FRYL: variants seen among roughly 807,000 people sequenced by gnomAD.
FRYL encodes FRY like transcription coactivator.
A neutral mutation model predicts 351.2 loss-of-function variants in FRYL; 150 were observed. That is an observed-to-expected ratio of 0.43 (90% CI 0.37 to 0.49). FRYL has a LOEUF of 0.49. Among genes scored for constraint, FRYL ranks in the 20% least tolerant of loss-of-function variants. The pLI, the probability that FRYL is intolerant of heterozygous loss-of-function variation, is 0.00. For missense variants in FRYL, 3,036 were observed against 3,619.3 expected, an observed-to-expected ratio of 0.84 and a Z score of 4.13; for synonymous variants, 1,153 against 1,257.1, an observed-to-expected ratio of 0.92 and a Z score of 1.75.
At chr4:48,610,724 TATTA>T (rs1032419245) in intron 7 of FRYL, among the ~76,000 whole-genome samples, 3 of 134,532 alleles carry the variant, frequency 2.2e-5, no homozygotes, top group Admixed American at 7.5e-5. Flanking sequence ...TATATACATA[TATTA>T]TATACATGTA....
chr4:48,612,825 G>A (rs374335804), intron 7 of FRYL, among the ~76,000 whole-genome samples: 3 of 151,142 alleles, frequency 2.0e-5, no homozygotes, highest in East Asian at 1.9e-4. Context: ...TCCTGACCTC[G>A]TGATCCACTT....
At chr4:48,628,562 T>C (rs1323699526) in intron 4 of FRYL, among the ~76,000 whole-genome samples, 1 of 151,580 alleles carries the variant, frequency 6.6e-6, no homozygotes, top group Non-Finnish European at 1.5e-5. Flanking sequence ...TGTTAAAGAA[T>C]ACAAAATTAC....
rs1560638233 is a variant in FRYL, at chr4:48,575,576, T to C, written c.2722-335A>G. Among the ~76,000 whole-genome samples, 8 of 152,348 alleles carry C rather than the reference T, an allele frequency of 5.3e-5. No homozygotes were observed. In the South Asian group the frequency reaches 1.7e-3, roughly 32 times the overall value. ...TGACTTCTAAAATAGTCATCAGTGC[T>C]AAAGTCAGACACGCTGGTCTTAAGT... On this transcript the variant is annotated intron_variant, in intron 24 of 63. Transcript: ENST00000358350.
chr4:48,603,317 T>C lies in FRYL; in HGVS notation c.906A>G (p.Glu302=), dbSNP rs1431648687. ...FVEMLYQTTF[E]LSSRKKHSLA... The stretch of plus-strand genomic sequence containing the variant: ...ATGAATGCTTCTTTCTCGAGCTCAG[T>C]TCAAAAGTAGTCTGATAAAGCATCT... Residue 302 remains glutamate, a synonymous_variant, in exon 12 of 64, where the codon GAA becomes GAG. Transcript: ENST00000358350. 1.2e-6 allele frequency: 2 copies of C among 1,611,546 alleles called. No homozygotes were observed. Among genetic ancestry groups the C allele is most frequent in the African/African-American group, 1.3e-5 (1 of 74,940 alleles).
Position 48,557,654 on chromosome 4 carries a change from G to A in FRYL, c.3924C>T (p.Tyr1308=). The A allele has an allele frequency of 6.2e-7, 1 of 1,614,184 alleles. No homozygotes were observed. Among genetic ancestry groups the A allele is most frequent in the Non-Finnish European group, 8.5e-7 (1 of 1,180,040 alleles). ...CGATGTTGTTCATCCATGGTAGCAG[G>A]TAGTGCAGCATCACCTGCCGCCCAG... ...HPAGRQVMLH[Y]LLPWMNNIEL... Residue 1308 remains tyrosine, a synonymous_variant, in exon 34 of 64, where the codon TAC becomes TAT. Transcript: ENST00000358350.
Position 48,609,746 on chromosome 4 carries a change from T to G in FRYL, c.489A>C (p.Glu163Asp). Residue 163 changes from glutamate (E) to aspartate (D), a missense_variant and splice_region_variant, in exon 8 of 64, where the codon GAA becomes GAC. Around this residue, in one of 7 missense-constraint regions of FRYL, gnomAD observed 457 missense variants for 566.6 expected, o/e 0.81. Transcript: ENST00000358350. Reference sequence around the variant, plus strand: ...TCCCAAGTTAGTATTTTACTTACCCTTCCTTATGTTTAAAGTGCTTAAAAG... The same window carrying G: ...TCCCAAGTTAGTATTTTACTTACCCGTCCTTATGTTTAAAGTGCTTAAAAG... ...NLAFKHFKHK[E>D]GYSGTNTGNV... The G allele has an allele frequency of 6.6e-7, 1 of 1,520,540 alleles. No individual in the cohort carries two copies. Among genetic ancestry groups the G allele is most frequent in the Admixed American group, 1.8e-5 (1 of 56,526 alleles). 94.2% of individuals were successfully genotyped at this position (1,520,540 alleles called of 1,614,324 possible). A position where few individuals can be genotyped will look rare whatever the true frequency, so the allele number is the denominator to read the frequency against.
chr4:48,712,069 C>A (rs1768123456), intron 1 of FRYL, among the ~76,000 whole-genome samples: 1 of 152,116 alleles, frequency 6.6e-6, no homozygotes, highest in African/African-American at 2.4e-5. Flanking sequence ...CCCATCTGTG[C>A]ATCACCATCA....
chr4:48,562,685 G>A (rs957520115), intron 32 of FRYL, among the ~76,000 whole-genome samples: 3 of 151,886 alleles, frequency 2.0e-5, no homozygotes, highest in African/African-American at 7.3e-5. Flanking sequence ...AATACACTTA[G>A]GAATAGTCTG....
chr4:48,769,666 A>C (rs1399261611), intron 1 of FRYL, among the ~76,000 whole-genome samples: 2 of 152,212 alleles, frequency 1.3e-5, no homozygotes, highest in Non-Finnish European at 2.9e-5. Context: ...AAAACCTGGA[A>C]ATAGCTCCTA....
intron 30 of FRYL, 80 bp downstream of exon 30, chr4:48,564,853 G>A (rs1736406663): frequency 1.4e-6 from 1 of 690,608 alleles, no homozygotes; most frequent in Non-Finnish European, 2.4e-6. Context: ...TAAAAGACTT[G>A]TTTTTAGTGC....
At chr4:48,685,016 C>A (rs1023963635) in intron 2 of FRYL, among the ~76,000 whole-genome samples, 1 of 152,072 alleles carries the variant, frequency 6.6e-6, no homozygotes, top group Non-Finnish European at 1.5e-5. Context: ...CATGAACCCC[C>A]CACCATTCCC....
At chr4:48,564,883 T>G in intron 30 of FRYL, 50 bp downstream of exon 30, 1 of 1,029,578 alleles carries the variant, frequency 9.7e-7, no homozygotes, top group East Asian at 2.4e-5. Flanking sequence ...TAACTGCAAA[T>G]AATACAATGA....
chr4:48,543,850 G>C lies in FRYL; in HGVS notation c.5549C>G (p.Ser1850Cys). The C allele has an allele frequency of 6.2e-7, 1 of 1,613,792 alleles. No homozygotes were observed. Among genetic ancestry groups the C allele is most frequent in the African/African-American group, 1.3e-5 (1 of 75,022 alleles). ...LTATTLSDVL[S>C]RLVETVGDPG... is the part of the protein sequence containing the mutation. ...ATCCCCTACAGTTTCTACAAGTCTG[G>C]AGAGAACATCAGAAAGTGTAGTTGC... The change falls in exon 44 of 64, where the codon TCC becomes TGC. Residue 1850 changes from serine to cysteine, a missense_variant. Around this residue, in one of 7 missense-constraint regions of FRYL, gnomAD observed 1,987 missense variants for 2,311.7 expected, o/e 0.86. Coordinates refer to ENST00000358350, the MANE Select transcript of FRYL (RefSeq NM_015030.2).
At chr4:48,772,377 C>G (rs1775602532) in intron 1 of FRYL, among the ~76,000 whole-genome samples, 1 of 152,064 alleles carries the variant, frequency 6.6e-6, no homozygotes, top group Admixed American at 6.5e-5. Context: ...CAGAGCAAGA[C>G]TCTGTGTCAA....
At chr4:48,634,974 T>A (rs1753935991) in intron 3 of FRYL, among the ~76,000 whole-genome samples, 1 of 152,076 alleles carries the variant, frequency 6.6e-6, no homozygotes, top group African/African-American at 2.4e-5. Flanking sequence ...GAAGCTACAC[T>A]TAAACTCAGG....
chr4:48,747,103 G>C (rs770092094), intron 1 of FRYL, among the ~76,000 whole-genome samples: 26 of 152,140 alleles, frequency 1.7e-4, no homozygotes, highest in Non-Finnish European at 3.5e-4. Context: ...TGGGAGATTG[G>C]GGAGAGAAGA....
intron 3 of FRYL, among the ~76,000 whole-genome samples, chr4:48,655,164 AT>A (rs909701309): frequency 2.0e-5 from 3 of 152,122 alleles, no homozygotes; most frequent in Non-Finnish European, 4.4e-5. Flanking sequence ...TGGTAGTGGT[AT>A]TTTTTGGAAG....
chr4:48,633,392 C>T (rs376548473), intron 4 of FRYL, among the ~76,000 whole-genome samples: 1 of 152,250 alleles, frequency 6.6e-6, no homozygotes. Context: ...TCAATTTACA[C>T]CCTCATATAG....
chr4:48,628,173 C>T (rs539607364), intron 4 of FRYL, among the ~76,000 whole-genome samples: 1 of 152,292 alleles, frequency 6.6e-6, no homozygotes, highest in South Asian at 2.1e-4. Flanking sequence ...TTTACACTAA[C>T]ACATAAATGA....
Sources: gnomAD v4.1 joint callset for allele counts (sites outside exome capture counted in the v4.1 genomes callset) on GRCh38, gnomAD v4.1.1 for gene constraint, gnomAD v4.1.1 regional missense constraint, MANE v1.5 for transcripts, NCBI Gene and HGNC (gene_info 2026-07-23, HGNC 2026-07-21) for gene names.